The following SORCS2 variants were observed in gnomAD, a reference collection of about 807,000 sequenced individuals.
The protein encoded by SORCS2 is sortilin related VPS10 domain containing receptor 2.
SORCS2 carries 100 observed loss-of-function variants against 141.6 expected under a neutral mutation model. The ratio of observed to expected loss-of-function variants is 0.71; its 90% CI spans 0.60 to 0.83. The LOEUF is 0.83. Ranked by LOEUF, SORCS2 falls within the 40% of genes least tolerant of loss-of-function variation. SORCS2 has a pLI of 0.00. For missense variants in SORCS2, 1,646 were observed against 1,560.2 expected (o/e 1.05, Z -0.93); for synonymous variants, 789 against 676.9 (o/e 1.17, Z -2.57).
chr4:7,376,066 C>G (rs60843440), intron 1 of SORCS2, among the ~76,000 whole-genome samples: 1 of 152,202 alleles, frequency 6.6e-6, no homozygotes, highest in African/African-American at 2.4e-5. Flanking sequence ...CCAATGCAGG[C>G]AGGTCTGGAA....
intron 4 of SORCS2, among the ~76,000 whole-genome samples, chr4:7,653,921 C>A (rs552213916): frequency 5.9e-5 from 9 of 152,336 alleles, no homozygotes; most frequent in Non-Finnish European, 1.2e-4. Context: ...CATCTCCTGG[C>A]TCCTGCCAGC....
At chr4:7,360,014 G>T (rs947186988) in intron 1 of SORCS2, among the ~76,000 whole-genome samples, 1 of 152,150 alleles carries the variant, frequency 6.6e-6, no homozygotes, top group African/African-American at 2.4e-5. Context: ...GAGCTTGCCC[G>T]GTAGCAGCCA....
chr4:7,588,164 ATCT>A (rs1716665584), intron 3 of SORCS2, among the ~76,000 whole-genome samples: 1 of 152,168 alleles, frequency 6.6e-6, no homozygotes, highest in African/African-American at 2.4e-5. Flanking sequence ...TAACCAGAAC[ATCT>A]TCTGCGGTCG....
At position 7,192,865 on chromosome 4, in the gene SORCS2, G is replaced by T; in HGVS notation, c.219G>T (p.Ala73=). 2 of 1,067,842 alleles carry T rather than the reference G, an allele frequency of 1.9e-6. No individual in the cohort carries two copies. Among genetic ancestry groups the T allele is most frequent in the Non-Finnish European group, 2.3e-6 (2 of 885,228 alleles). The allele number at this position is 1,067,842 out of a possible 1,614,324, so 66.1% of individuals were successfully genotyped here. ...QLTRVPRSPP[A]GRAEPGGGED... ...CCCGGGTGCCGCGGAGCCCTCCCGC[G>T]GGGCGCGCGGAGCCCGGTGGCGGCG... The change falls in exon 1 of 27, where the codon GCG becomes GCT. Residue 73 remains alanine (A), a synonymous_variant. Transcript: ENST00000507866. This position sits in a 1 kb window ranked among gnomAD's most constrained non-coding sequence, Gnocchi z 4.0.
At chr4:7,282,469 T>C (rs1715945189) in intron 1 of SORCS2, among the ~76,000 whole-genome samples, 5 of 152,176 alleles carry the variant, frequency 3.3e-5, no homozygotes. Context: ...TGAACTCAGT[T>C]TGTATTGTTG....
At chr4:7,517,696 C>T (rs147746619) in intron 2 of SORCS2, among the ~76,000 whole-genome samples, 1 of 152,128 alleles carries the variant, frequency 6.6e-6, no homozygotes, top group Non-Finnish European at 1.5e-5. Flanking sequence ...TTTTAAAAAG[C>T]TGCATGGAGG....
At chr4:7,348,819 C>A (rs769377413) in intron 1 of SORCS2, among the ~76,000 whole-genome samples, 6 of 152,168 alleles carry the variant, frequency 3.9e-5, no homozygotes, top group Non-Finnish European at 7.3e-5. Flanking sequence ...TCCCAAAGTG[C>A]AGGGATTACA....
intron 9 of SORCS2, among the ~76,000 whole-genome samples, chr4:7,676,977 T>G (rs114983629): frequency 0.15 from 5,430 of 37,056 alleles, 1,642 homozygotes; most frequent in East Asian, 0.29. Flanking sequence ...CCCCAGCCCC[T>G]TCATCTCCTC....
chr4:7,355,761 C>T (rs1347951611), intron 1 of SORCS2, among the ~76,000 whole-genome samples: 6 of 152,226 alleles, frequency 3.9e-5, no homozygotes, highest in South Asian at 2.1e-4. Flanking sequence ...AACGCCCTCT[C>T]GCTGTGAGCC....
At chr4:7,278,497 C>T (rs1715659845) in intron 1 of SORCS2, among the ~76,000 whole-genome samples, 1 of 152,222 alleles carries the variant, frequency 6.6e-6, no homozygotes, top group Non-Finnish European at 1.5e-5. Context: ...CTGCTTAGCC[C>T]TCCCTTTCCC....
intron 4 of SORCS2, among the ~76,000 whole-genome samples, chr4:7,650,486 G>A (rs550774697): frequency 3.3e-5 from 5 of 152,326 alleles, no homozygotes; most frequent in South Asian, 2.1e-4. Flanking sequence ...TCAGAACAGC[G>A]TTGGAGCGCA....
intron 26 of SORCS2, 42 bp from the exon 27 acceptor site, chr4:7,740,158 C>G: frequency 6.4e-7 from 1 of 1,565,050 alleles, no homozygotes; most frequent in Non-Finnish European, 8.7e-7. Flanking sequence ...TCTCCAGTCC[C>G]GGGCTTGTGC....
intron 23 of SORCS2, among the ~76,000 whole-genome samples, chr4:7,732,581 C>A (rs1711791076): frequency 1.3e-5 from 2 of 152,126 alleles, no homozygotes; most frequent in South Asian, 4.1e-4. Flanking sequence ...CCTGGGATAT[C>A]CCTCCCTCAG....
At chr4:7,726,924 G>A in intron 21 of SORCS2, 21 bp downstream of exon 21, 1 of 1,606,692 alleles carries the variant, frequency 6.2e-7, no homozygotes, top group Non-Finnish European at 8.5e-7. Flanking sequence ...CCTGGGGTCT[G>A]GCAGCACGGC....
intron 21 of SORCS2, among the ~76,000 whole-genome samples, chr4:7,728,070 A>G (rs1314085320): frequency 6.6e-6 from 1 of 152,198 alleles, no homozygotes; most frequent in East Asian, 1.9e-4. Flanking sequence ...CATCACTGGC[A>G]TCTTTGTCAC....
intron 2 of SORCS2, among the ~76,000 whole-genome samples, chr4:7,531,057 C>G (rs760892835): frequency 2.6e-5 from 4 of 152,084 alleles, no homozygotes; most frequent in Non-Finnish European, 4.4e-5. Flanking sequence ...AAGAGGCAAG[C>G]AGATAGGCCA....
Position 7,741,667 on chromosome 4 carries a change from C to T in SORCS2, c.*1403C>T, listed in dbSNP as rs558533455. On this transcript the variant is annotated 3_prime_UTR_variant, in exon 27 of 27. Coordinates refer to ENST00000507866, the MANE Select transcript of SORCS2 (RefSeq NM_020777.3). The stretch of plus-strand genomic sequence containing the variant: ...AACGCCAGAGCCCTGGATGGTGATG[C>T]GCTGGCTGGGGGTGAATCCCAATGA... 49 of 153,784 alleles carry T rather than the reference C, an allele frequency of 3.2e-4. No individual in the cohort carries two copies. The highest frequency in any genetic ancestry group is 4.7e-4 in the Non-Finnish European group (34 of 72,380). The allele number at this position is 153,784 out of a possible 1,614,324, so 9.5% of individuals were successfully genotyped here.
At chr4:7,254,333 C>T (rs1713704840) in intron 1 of SORCS2, among the ~76,000 whole-genome samples, 1 of 152,208 alleles carries the variant, frequency 6.6e-6, no homozygotes, top group African/African-American at 2.4e-5. Context: ...GAATACTATT[C>T]TGCCATAAAA....
At chr4:7,477,961 G>C (rs922435354) in intron 2 of SORCS2, among the ~76,000 whole-genome samples, 1 of 152,184 alleles carries the variant, frequency 6.6e-6, no homozygotes, top group South Asian at 2.1e-4. Flanking sequence ...CCTGCCCTCA[G>C]ATGTGTGTCT....
Sources: allele counts gnomAD v4.1 joint callset (sites outside exome capture counted in the v4.1 genomes callset), GRCh38; gene constraint gnomAD v4.1.1; non-coding constraint Gnocchi (gnomAD v3.1); transcripts MANE v1.5; gene names NCBI Gene and HGNC (gene_info 2026-07-23, HGNC 2026-07-21).